SHISA6: variants seen among roughly 807,000 people sequenced by gnomAD.
SHISA6 encodes shisa family member 6.
A neutral mutation model predicts 47.9 loss-of-function variants in SHISA6; 22 were observed. That is an observed-to-expected ratio of 0.46 (90% CI 0.33 to 0.66). SHISA6 has a LOEUF of 0.66. Ranked by LOEUF, SHISA6 falls within the 30% of genes least tolerant of loss-of-function variation. SHISA6 has a pLI of 0.02. For synonymous variants in SHISA6, 388 were observed against 337.8 expected, an observed-to-expected ratio of 1.15 and a Z score of -1.63; for missense variants, 680 against 764.6, an observed-to-expected ratio of 0.89 and a Z score of 1.30.
chr17:11,478,796 C>A (rs1336513889), intron 3 of SHISA6, among the ~76,000 whole-genome samples: 4 of 131,510 alleles, frequency 3.0e-5, no homozygotes. Flanking sequence ...GTTTTGGTAC[C>A]AGTACCATGC....
At chr17:11,271,601 C>CTTTTTTTTTT (rs770845288) in intron 2 of SHISA6, among the ~76,000 whole-genome samples, 3 of 99,736 alleles carry the variant, frequency 3.0e-5, no homozygotes, top group African/African-American at 1.3e-4. Flanking sequence ...CCACGCCTGG[C>CTTTTTTTTTT]TTTTTTTTTT....
chr17:11,483,165 G>A (rs1056145917), intron 3 of SHISA6, among the ~76,000 whole-genome samples: 13 of 152,070 alleles, frequency 8.5e-5, no homozygotes, highest in African/African-American at 2.9e-4. Context: ...GCTGGGTGTG[G>A]TGGCACGTGC....
At chr17:11,361,296 G>A (rs16944643) in intron 2 of SHISA6, among the ~76,000 whole-genome samples, 16,606 of 151,944 alleles carry the variant, frequency 0.11, 959 homozygotes, top group East Asian at 0.19. Flanking sequence ...TTAGTCTGAG[G>A]AGAATTTACA....
chr17:11,497,539 G>T (rs1333309325), intron 3 of SHISA6, among the ~76,000 whole-genome samples: 3 of 152,168 alleles, frequency 2.0e-5, no homozygotes, highest in Non-Finnish European at 4.4e-5. Flanking sequence ...CACTTTAGAC[G>T]AATGTTCTTG....
chr17:11,364,236 T>A (rs1912375496), intron 2 of SHISA6, among the ~76,000 whole-genome samples: 3 of 152,170 alleles, frequency 2.0e-5, no homozygotes, highest in Admixed American at 2.0e-4. Flanking sequence ...ATAAAGAACG[T>A]TTCCATCACC....
chr17:11,478,736 T>C (rs1186306811), intron 3 of SHISA6, among the ~76,000 whole-genome samples: 1 of 109,568 alleles, frequency 9.1e-6, no homozygotes, highest in Non-Finnish European at 1.8e-5. Flanking sequence ...GTTGTAGATA[T>C]GCGGCGTTAT....
At chr17:11,478,964 A>G (rs1228678942) in intron 3 of SHISA6, among the ~76,000 whole-genome samples, 4 of 152,088 alleles carry the variant, frequency 2.6e-5, no homozygotes, top group South Asian at 2.1e-4. Context: ...GAAGAAAGTC[A>G]TTGGTAGCTT....
chr17:11,248,300 C>A (rs981536247), intron 1 of SHISA6, among the ~76,000 whole-genome samples: 1 of 152,138 alleles, frequency 6.6e-6, no homozygotes, highest in Non-Finnish European at 1.5e-5. Flanking sequence ...TCATCTATTA[C>A]AGAATTATAA....
At chr17:11,303,674 G>T (rs1259150186) in intron 2 of SHISA6, among the ~76,000 whole-genome samples, 1 of 152,186 alleles carries the variant, frequency 6.6e-6, no homozygotes, top group African/African-American at 2.4e-5. Context: ...GGACAAGGGA[G>T]CCATCAGGCC....
At chr17:11,439,921 A>C (rs922905551) in intron 3 of SHISA6, among the ~76,000 whole-genome samples, 1 of 152,086 alleles carries the variant, frequency 6.6e-6, no homozygotes, top group East Asian at 1.9e-4. Flanking sequence ...CTCTATTTTA[A>C]TTTGCAACAT....
chr17:11,266,144 G>T lies in SHISA6; in HGVS notation c.799+2618G>T, dbSNP rs367658359. On this transcript the variant is annotated intron_variant, in intron 2 of 5. Coordinates refer to ENST00000441885, the MANE Select transcript of SHISA6 (RefSeq NM_207386.4). Reference sequence around the variant, plus strand: ...AAATATTGCAGTTTGAGCAGAAGTTGAACAGAACTTTGCATGAGTGTTCAA... The same window carrying T: ...AAATATTGCAGTTTGAGCAGAAGTTTAACAGAACTTTGCATGAGTGTTCAA... Among the ~76,000 whole-genome samples the T allele has an allele frequency of 3.9e-5, 6 of 152,296 alleles. No homozygotes were observed. The South Asian group carries it at 6.2e-4, about 16-fold the overall frequency.
rs371580730 is a variant in SHISA6, at chr17:11,327,737, C to T, written c.800-51677C>T. On this transcript the variant is annotated intron_variant, in intron 2 of 5. Coordinates refer to ENST00000441885, the MANE Select transcript of SHISA6 (RefSeq NM_207386.4). ...GCTTGAACCTGGGAGGCAGAGGTTG[C>T]GGTGAGCCAAGACCGTGCCGCTGCA... Among the ~76,000 whole-genome samples, 398 of 152,258 alleles carry T rather than the reference C, an allele frequency of 2.6e-3. 4 individuals are homozygous for T. The highest frequency in any genetic ancestry group is 8.6e-3 in the African/African-American group (357 of 41,556).
intron 3 of SHISA6, among the ~76,000 whole-genome samples, chr17:11,390,944 A>T (rs749664397): frequency 4.6e-5 from 7 of 152,228 alleles, no homozygotes; most frequent in Non-Finnish European, 1.0e-4. Context: ...AAGTGCCATG[A>T]AGTAGATACC....
intron 2 of SHISA6, among the ~76,000 whole-genome samples, chr17:11,275,999 G>T (rs1908875147): frequency 6.7e-6 from 1 of 150,364 alleles, no homozygotes; most frequent in African/African-American, 2.5e-5. Flanking sequence ...TTTTTGAGAT[G>T]CAGTCTTGCT....
At chr17:11,265,315 G>C (rs1291192990) in intron 2 of SHISA6, among the ~76,000 whole-genome samples, 2 of 152,154 alleles carry the variant, frequency 1.3e-5, no homozygotes, top group East Asian at 1.9e-4. Context: ...TAAGCCCAAT[G>C]GTTCTTAAAC....
chr17:11,284,837 G>A (rs1909242278), intron 2 of SHISA6, among the ~76,000 whole-genome samples: 1 of 152,192 alleles, frequency 6.6e-6, no homozygotes, highest in South Asian at 2.1e-4. Context: ...TGGGACCAAA[G>A]CAATTTAGTG....
At chr17:11,348,494 A>G (rs1911771299) in intron 2 of SHISA6, among the ~76,000 whole-genome samples, 1 of 152,148 alleles carries the variant, frequency 6.6e-6, no homozygotes, top group South Asian at 2.1e-4. Flanking sequence ...TAATGCAATA[A>G]TTTAGTAATT....
At chr17:11,540,158 T>C (rs1434531856) in intron 3 of SHISA6, among the ~76,000 whole-genome samples, 1 of 152,172 alleles carries the variant, frequency 6.6e-6, no homozygotes, top group Non-Finnish European at 1.5e-5. Context: ...AACGTAGCAT[T>C]TGTCAAAGCT....
intron 2 of SHISA6, among the ~76,000 whole-genome samples, chr17:11,358,937 G>C (rs1597474848): frequency 1.3e-5 from 2 of 152,192 alleles, no homozygotes. Context: ...TGGGATTACA[G>C]GGGTGAGCTA....
Sources: allele counts gnomAD v4.1 joint callset (sites outside exome capture counted in the v4.1 genomes callset), GRCh38; gene constraint gnomAD v4.1.1; transcripts MANE v1.5; gene names NCBI Gene and HGNC (gene_info 2026-07-23, HGNC 2026-07-21).